Variants in ARL2BP observed in about 807,000 individuals in gnomAD.
ARL2BP encodes the protein ARF like GTPase 2 binding protein.
Under a neutral mutation model 24.2 loss-of-function variants are expected in ARL2BP, and 19 were observed. The ratio of observed to expected loss-of-function variants is 0.79; its 90% CI spans 0.55 to 1.15. The LOEUF (loss-of-function observed/expected upper bound fraction) is 1.15, where lower values mean the gene tolerates loss of function less well. Ranked by LOEUF, ARL2BP falls within the 50% of genes most tolerant of loss-of-function variation. ARL2BP has a pLI of 0.00. For synonymous variants in ARL2BP, 56 were observed against 70.5 expected, an observed-to-expected ratio of 0.79 and a Z score of 1.03; for missense variants, 160 against 190.4, an observed-to-expected ratio of 0.84 and a Z score of 0.94.
chr16:57,250,135 A>C, intron 4 of ARL2BP: 1 of 591,774 alleles, frequency 1.7e-6, no homozygotes, highest in Non-Finnish European at 3.0e-6. Flanking sequence ...CCCTACAAAA[A>C]ATAAATTAGT....
intron 4 of ARL2BP, 101 bp downstream of exon 4, chr16:57,249,953 T>A: frequency 1.8e-6 from 2 of 1,095,024 alleles, no homozygotes; most frequent in Non-Finnish European, 2.8e-6. Context: ...TTCCTGTGCA[T>A]GCCGTTGGTG....
At position 57,250,328 on chromosome 16, in the gene ARL2BP, G is replaced by A; in HGVS notation, c.294-83G>A. 4.1e-6 allele frequency: 5 copies of A among 1,215,942 alleles called. No individual in the cohort carries two copies. The South Asian group carries it at 6.1e-5, about 15-fold the overall frequency. The allele number at this position is 1,215,942 out of a possible 1,614,324, so 75.3% of individuals were successfully genotyped here. A position where few individuals can be genotyped will look rare whatever the true frequency, so the allele number is the denominator to read the frequency against. ...CAAAAATAATGCGGGGGGTGGGGCT[G>A]GGGTGGTGGAAAGAAAAACGAAAGC... On this transcript the variant is annotated intron_variant, in intron 4 of 5. Coordinates refer to ENST00000219204, the MANE Select transcript of ARL2BP (RefSeq NM_012106.4).
At chr16:57,250,385 G>C in intron 4 of ARL2BP, 26 bp from the exon 5 acceptor site, 1 of 1,603,186 alleles carries the variant, frequency 6.2e-7, no homozygotes, top group Non-Finnish European at 8.5e-7. Context: ...ATTCATTCAC[G>C]AAACAGCCAT....
At chr16:57,249,966 T>C (rs1296821580) in intron 4 of ARL2BP, 114 bp downstream of exon 4, 1 of 946,818 alleles carries the variant, frequency 1.1e-6, no homozygotes, top group Non-Finnish European at 1.7e-6. Flanking sequence ...CGTTGGTGGT[T>C]AGGTCCTATG....
chr16:57,249,625 C>G, intron 3 of ARL2BP, 142 bp from the exon 4 acceptor site: 1 of 664,668 alleles, frequency 1.5e-6, no homozygotes, highest in Non-Finnish European at 2.7e-6. Context: ...GTGTTTTGGT[C>G]CTCTTTGGTA....
Position 57,245,298 on chromosome 16 carries a change from C to T in ARL2BP, c.-70C>T, listed in dbSNP as rs2075386234. On this transcript the variant is annotated 5_prime_UTR_variant, in exon 1 of 6. Transcript: ENST00000219204. ...GGCCTTGGCTGAGAGGCCTTAACCC[C>T]GCCGGGCGGCCGCGCCCTGCATGCG... 1 of 1,558,934 alleles carries T rather than the reference C, an allele frequency of 6.4e-7. No individual in the cohort carries two copies. Among genetic ancestry groups the T allele is most frequent in the Non-Finnish European group, 8.7e-7 (1 of 1,150,294 alleles).
chr16:57,246,374 A>G, intron 2 of ARL2BP: 1 of 496,040 alleles, frequency 2.0e-6, no homozygotes, highest in Non-Finnish European at 3.6e-6. Context: ...GGACTGACTC[A>G]GGCTAATAGG....
chr16:57,248,311 C>CAAAAAAAA (rs1161528446), intron 2 of ARL2BP: 276 of 48,212 alleles, frequency 5.7e-3, no homozygotes, highest in Middle Eastern at 8.3e-3. Flanking sequence ...AACTCCAGCT[C>CAAAAAAAA]AAAAAAAAAA....
At chr16:57,249,925 A>G in intron 4 of ARL2BP, 73 bp downstream of exon 4, 1 of 1,387,648 alleles carries the variant, frequency 7.2e-7, no homozygotes, top group African/African-American at 1.4e-5. Flanking sequence ...GCTGACCAAA[A>G]GACGCTCCTT....
Position 57,245,270 on chromosome 16 carries a change from C to T in ARL2BP, c.-98C>T, listed in dbSNP as rs2075386111. 1.4e-6 allele frequency: 2 copies of T among 1,446,570 alleles called. No individual in the cohort carries two copies. Among genetic ancestry groups the T allele is most frequent in the Admixed American group, 2.1e-5 (1 of 48,250 alleles). The allele number at this position is 1,446,570 out of a possible 1,614,324, so 89.6% of individuals were successfully genotyped here. Reference sequence around the variant, plus strand: ...TGACCCGACCTGGCAGTGAGCTGGCCGCGGCCTTGGCTGAGAGGCCTTAAC... The same window carrying T: ...TGACCCGACCTGGCAGTGAGCTGGCTGCGGCCTTGGCTGAGAGGCCTTAAC... On this transcript the variant is annotated 5_prime_UTR_variant, in exon 1 of 6. Transcript: ENST00000219204.
At chr16:57,250,261 G>A in intron 4 of ARL2BP, 150 bp from the exon 5 acceptor site, 1 of 673,412 alleles carries the variant, frequency 1.5e-6, no homozygotes, top group East Asian at 2.7e-5. Flanking sequence ...CTGCACTCCT[G>A]CCTGGGTGAC....
intron 2 of ARL2BP, among the ~76,000 whole-genome samples, chr16:57,247,978 A>G (rs1471365081): frequency 6.6e-6 from 1 of 151,998 alleles, no homozygotes; most frequent in African/African-American, 2.4e-5. Flanking sequence ...GTGCTTAAAC[A>G]TTAAAATGAT....
At chr16:57,248,336 A>AT in intron 2 of ARL2BP, 1 of 234,204 alleles carries the variant, frequency 4.3e-6, no homozygotes, top group Non-Finnish European at 8.1e-6. Context: ...AAAAAAAAAA[A>AT]GAAAGAAAGA....
At chr16:57,251,841 T>C in intron 5 of ARL2BP, 1 of 274,244 alleles carries the variant, frequency 3.6e-6, no homozygotes, top group Non-Finnish European at 7.0e-6. Context: ...GGTGCACACC[T>C]GTAGTCCTAG....
chr16:57,249,014 T>A (rs1453145438), intron 3 of ARL2BP: 11 of 153,270 alleles, frequency 7.2e-5, no homozygotes, highest in Admixed American at 5.9e-4. Flanking sequence ...AAAATGATAA[T>A]AATAAAGATA....
At position 57,249,752 on chromosome 16, in the gene ARL2BP, T is replaced by A; in HGVS notation, c.208-15T>A. On this transcript the variant is annotated splice_polypyrimidine_tract_variant and intron_variant, in intron 3 of 5. Coordinates refer to ENST00000219204, the MANE Select transcript of ARL2BP (RefSeq NM_012106.4). ...CCAAAGTATGGTCTCACCAAAATCC[T>A]TTCCACTGTTGCAGATTTCTTTGGT... 6.2e-7 allele frequency: 1 copy of A among 1,611,388 alleles called. No homozygotes were observed. The highest frequency in any genetic ancestry group is 8.5e-7 in the Non-Finnish European group (1 of 1,177,422).
Position 57,245,359 on chromosome 16 carries a change from G to A in ARL2BP, c.-9G>A, listed in dbSNP as rs1455713389. ...CGGGCGGGGTTGGAGCCTACTCGGG[G>A]CGACTGCGATGGACGCCTTAGAAGG... On this transcript the variant is annotated 5_prime_UTR_variant, in exon 1 of 6. Coordinates refer to ENST00000219204, the MANE Select transcript of ARL2BP (RefSeq NM_012106.4). 2 of 1,605,334 alleles carry A rather than the reference G, an allele frequency of 1.2e-6. No individual in the cohort carries two copies. Among genetic ancestry groups the A allele is most frequent in the South Asian group, 1.1e-5 (1 of 88,996 alleles).
intron 2 of ARL2BP, 84 bp downstream of exon 2, chr16:57,246,225 G>A (rs2075390086): frequency 3.7e-6 from 5 of 1,360,386 alleles, no homozygotes; most frequent in Non-Finnish European, 4.1e-6. Context: ...ATTTTAAAAA[G>A]AGAAAACATC....
chr16:57,249,726 C>G (rs535560135), intron 3 of ARL2BP, 41 bp from the exon 4 acceptor site: 2 of 1,539,400 alleles, frequency 1.3e-6, no homozygotes, highest in South Asian at 2.2e-5. Flanking sequence ...GTCTTGTTTT[C>G]CCAAAGTATG....
Sources: allele counts gnomAD v4.1 joint callset (sites outside exome capture counted in the v4.1 genomes callset), GRCh38; gene constraint gnomAD v4.1.1; transcripts MANE v1.5; gene names NCBI Gene and HGNC (gene_info 2026-07-23, HGNC 2026-07-21).